The following DAB2IP variants were observed in gnomAD, a reference collection of about 807,000 sequenced individuals.
DAB2IP encodes disabled homolog 2-interacting protein.
DAB2IP carries 28 observed loss-of-function variants against 107.2 expected under a neutral mutation model. That is an observed-to-expected ratio of 0.26 (90% CI 0.19 to 0.36). DAB2IP has a LOEUF of 0.36. Among genes scored for constraint, DAB2IP ranks in the 10% least tolerant of loss-of-function variants. The pLI, the probability that DAB2IP is intolerant of heterozygous loss-of-function variation, is 1.00. For missense variants in DAB2IP, 1,400 were observed against 1,644.7 expected (o/e 0.85, Z 2.57); for synonymous variants, 755 against 706.4 (o/e 1.07, Z -1.09).
chr9:121,623,957 C>T (rs746279493), intron 1 of DAB2IP, among the ~76,000 whole-genome samples: 5 of 152,214 alleles, frequency 3.3e-5, no homozygotes, highest in Admixed American at 6.5e-5. Flanking sequence ...CTTCCTTTGC[C>T]TCCATGTTTG....
At position 121,731,685 on chromosome 9, in the gene DAB2IP, G is replaced by T. The variant is rs1240436145; in HGVS notation, c.363-25328G>T. 3.3e-5 allele frequency among the ~76,000 whole-genome samples: 5 copies of T among 152,274 alleles called. No individual in the cohort carries two copies. In the East Asian group the frequency reaches 9.7e-4, roughly 29 times the overall value. ...GCCCAGTGGGGCTGGGGCTGGGGCT[G>T]GGGCTGGGGCTGGTTGGGACCTACC... On this transcript the variant is annotated intron_variant, in intron 3 of 15. Transcript: ENST00000408936.
rs973037065 is a variant in DAB2IP, at chr9:121,702,838, C to T, written c.362+3380C>T. Among the ~76,000 whole-genome samples, 1 of 152,148 alleles carries T rather than the reference C, an allele frequency of 6.6e-6. No homozygotes were observed. Among genetic ancestry groups the T allele is most frequent in the African/African-American group, 2.4e-5 (1 of 41,440 alleles). ...CTCTCCTGATGCTGTTTCTGGGTGA[C>T]TCTAGCCCTCCACACCTGCTGGGAA... On this transcript the variant is annotated intron_variant, in intron 3 of 15. Coordinates refer to ENST00000408936, the Ensembl canonical transcript of DAB2IP. This position sits in a 1 kb window ranked among gnomAD's most constrained non-coding sequence, Gnocchi z 4.5.
At chr9:121,762,389 T>C (rs985083587) in intron 6 of DAB2IP, among the ~76,000 whole-genome samples, 2 of 152,186 alleles carry the variant, frequency 1.3e-5, no homozygotes, top group African/African-American at 4.8e-5. Flanking sequence ...GATGCACCTC[T>C]GACCCCCGCT....
chr9:121,680,193 G>C (rs1002697336), intron 2 of DAB2IP, among the ~76,000 whole-genome samples: 1 of 152,206 alleles, frequency 6.6e-6, no homozygotes, highest in Non-Finnish European at 1.5e-5. Context: ...AGGCCTGGCC[G>C]AGTCAAGGTC....
At chr9:121,692,307 GTGTT>G (rs1470514463) in intron 2 of DAB2IP, among the ~76,000 whole-genome samples, 1 of 152,166 alleles carries the variant, frequency 6.6e-6, no homozygotes. Context: ...CAATGTGTAT[GTGTT>G]TGTGTGTGTC....
chr9:121,748,076 A>C (rs532128966), intron 3 of DAB2IP, among the ~76,000 whole-genome samples: 1 of 152,144 alleles, frequency 6.6e-6, no homozygotes, highest in African/African-American at 2.4e-5. Flanking sequence ...TTGCTATTAC[A>C]TTATTACAGG....
intron 3 of DAB2IP, among the ~76,000 whole-genome samples, chr9:121,720,885 C>T (rs1027861372): frequency 3.3e-5 from 5 of 152,152 alleles, no homozygotes; most frequent in Non-Finnish European, 7.4e-5. Flanking sequence ...CAAAGAGAAC[C>T]CTTCCTGCCA....
chr9:121,577,577 T>C (rs908843208), intron 1 of DAB2IP, among the ~76,000 whole-genome samples: 12 of 151,984 alleles, frequency 7.9e-5, no homozygotes, highest in African/African-American at 2.2e-4. Flanking sequence ...CCAGAAAGAG[T>C]TGGTCTGTGC....
chr9:121,677,969 C>CA (rs1828355441), intron 1 of DAB2IP, among the ~76,000 whole-genome samples: 1 of 152,090 alleles, frequency 6.6e-6, no homozygotes, highest in Non-Finnish European at 1.5e-5. Flanking sequence ...GCCTTTTTCC[C>CA]CCCTTTTTAA....
intron 3 of DAB2IP, among the ~76,000 whole-genome samples, chr9:121,727,619 C>T (rs1831302837): frequency 6.6e-6 from 1 of 152,246 alleles, no homozygotes; most frequent in African/African-American, 2.4e-5. Context: ...CTCCTCTCCA[C>T]CACTCTGTGA....
rs542599163 is a variant in DAB2IP at position 121,782,936 on chromosome 9, G to A, written c.*438G>A. ...TGTGGCTTCCCCTCGCCTCCTTGGGGGGCCCGGGACTCCCTGGCAGCCAGG... is the reference window on the plus strand; with the variant it reads ...TGTGGCTTCCCCTCGCCTCCTTGGGAGGCCCGGGACTCCCTGGCAGCCAGG... On this transcript the variant is annotated 3_prime_UTR_variant, in exon 16 of 16. Coordinates refer to ENST00000408936, the Ensembl canonical transcript of DAB2IP. This position sits in a 1 kb window ranked among gnomAD's most constrained non-coding sequence, Gnocchi z 6.1. The A allele has an allele frequency of 3.4e-5, 35 of 1,020,822 alleles. No individual in the cohort carries two copies. In the African/African-American group the frequency reaches 5.8e-4, roughly 17 times the overall value. The allele number at this position is 1,020,822 out of a possible 1,614,324, so 63.2% of individuals were successfully genotyped here. A position where few individuals can be genotyped will look rare whatever the true frequency, so the allele number is the denominator to read the frequency against.
At chr9:121,648,905 T>C (rs185696697), upstream of DAB2IP, among the ~76,000 whole-genome samples, 365 of 152,196 alleles carry the variant, frequency 2.4e-3, 1 homozygote, top group Non-Finnish European at 1.7e-3. Context: ...GCAGGGCTTC[T>C]CCTGTTCAGA....
At chr9:121,774,118 G>C in intron 12 of DAB2IP, 142 bp from the exon 13 acceptor site, 1 of 961,544 alleles carries the variant, frequency 1.0e-6, no homozygotes, top group Non-Finnish European at 1.4e-6. Context: ...GGACTGCCTC[G>C]GTAGGCGCTC....
intron 1 of DAB2IP, among the ~76,000 whole-genome samples, chr9:121,586,842 T>C (rs745616601): frequency 5.3e-5 from 8 of 152,016 alleles, no homozygotes; most frequent in Middle Eastern, 3.4e-3. Context: ...TCATTAAGCA[T>C]CCCTTTTCAG....
At chr9:121,656,068 G>A (rs971827401) in intron 1 of DAB2IP, among the ~76,000 whole-genome samples, 5 of 151,756 alleles carry the variant, frequency 3.3e-5, no homozygotes, top group Non-Finnish European at 5.9e-5. Flanking sequence ...GAGTGCAATG[G>A]CGCGATCTCA....
intron 1 of DAB2IP, among the ~76,000 whole-genome samples, chr9:121,573,292 G>T (rs895681767): frequency 6.6e-6 from 1 of 152,040 alleles, no homozygotes; most frequent in South Asian, 2.1e-4. Context: ...GGTCAAGCTG[G>T]TCTCGAACTT....
chr9:121,581,318 A>C (rs1830190115), intron 1 of DAB2IP, among the ~76,000 whole-genome samples: 3 of 152,172 alleles, frequency 2.0e-5, no homozygotes, highest in Non-Finnish European at 4.4e-5. Context: ...GTTTAGTGGC[A>C]TTAAAGGTTT....
chr9:121,623,355 T>TTTG (rs1000536453), intron 1 of DAB2IP, among the ~76,000 whole-genome samples: 1 of 152,084 alleles, frequency 6.6e-6, no homozygotes, highest in African/African-American at 2.4e-5. Context: ...AGAGTTCAGT[T>TTTG]TTGTTGTTGT....
At chr9:121,636,729 A>C (rs1335171393) in intron 1 of DAB2IP, among the ~76,000 whole-genome samples, 2 of 152,200 alleles carry the variant, frequency 1.3e-5, no homozygotes, top group Admixed American at 1.3e-4. Context: ...GTCCCATGTC[A>C]GCCTGGAGGA....
Sources: gnomAD v4.1 joint callset for allele counts (sites outside exome capture counted in the v4.1 genomes callset) on GRCh38, gnomAD v4.1.1 for gene constraint, Gnocchi (gnomAD v3.1) non-coding constraint, MANE v1.5 for transcripts, NCBI Gene and HGNC (gene_info 2026-07-23, HGNC 2026-07-21) for gene names.